The following GALNTL6 variants were observed in gnomAD, a reference collection of about 807,000 sequenced individuals.
GALNTL6 encodes polypeptide N-acetylgalactosaminyltransferase like 6.
In GALNTL6, 46 loss-of-function variants were observed where a neutral mutation model predicts 73.7. The ratio of observed to expected loss-of-function variants is 0.62; its 90% CI spans 0.49 to 0.80. The LOEUF is 0.80. Ranked by LOEUF, GALNTL6 falls within the 30% of genes least tolerant of loss-of-function variation. The probability of loss-of-function intolerance (pLI) is 0.00; values close to 1 mark genes in which losing one functional copy is unlikely to be tolerated. For synonymous variants in GALNTL6, 259 were observed against 263.7 expected (o/e 0.98, Z 0.17); for missense variants, 604 against 755.0 (o/e 0.80, Z 2.34).
intron 7 of GALNTL6, among the ~76,000 whole-genome samples, chr4:172,845,121 G>A (rs759012194): frequency 5.3e-5 from 8 of 150,754 alleles, no homozygotes; most frequent in Non-Finnish European, 1.2e-4. Context: ...TGGAGGGTGA[G>A]GCAGGAGAAT....
At chr4:172,632,348 A>T (rs1211151369) in intron 5 of GALNTL6, among the ~76,000 whole-genome samples, 1 of 152,216 alleles carries the variant, frequency 6.6e-6, no homozygotes, top group Non-Finnish European at 1.5e-5. Context: ...GACTTTTTGA[A>T]TGGCTTTGAC....
At chr4:171,895,250 C>T (rs889839585) in intron 2 of GALNTL6, among the ~76,000 whole-genome samples, 1 of 152,092 alleles carries the variant, frequency 6.6e-6, no homozygotes. Context: ...GTTATATTTG[C>T]GTTCACTCTT....
At chr4:172,694,079 T>G (rs1260104922) in intron 5 of GALNTL6, among the ~76,000 whole-genome samples, 1 of 152,170 alleles carries the variant, frequency 6.6e-6, no homozygotes, top group African/African-American at 2.4e-5. Context: ...TATTGGTTTA[T>G]TTGAGCAGTC....
intron 10 of GALNTL6, among the ~76,000 whole-genome samples, chr4:172,965,764 G>A (rs757373495): frequency 1.5e-4 from 23 of 151,878 alleles, no homozygotes; most frequent in Non-Finnish European, 3.2e-4. Context: ...CTCCTGTATG[G>A]CATATATAAA....
At chr4:172,872,256 G>T (rs762099873) in intron 7 of GALNTL6, among the ~76,000 whole-genome samples, 7 of 152,158 alleles carry the variant, frequency 4.6e-5, no homozygotes. Flanking sequence ...TTATGTGATC[G>T]TCAGGGCGGG....
intron 2 of GALNTL6, among the ~76,000 whole-genome samples, chr4:172,008,281 TCTTG>T (rs1396803929): frequency 6.6e-6 from 1 of 152,140 alleles, no homozygotes; most frequent in Non-Finnish European, 1.5e-5. Flanking sequence ...TTAACAAGCA[TCTTG>T]CTTTTAAAGT....
At chr4:172,943,714 G>A (rs980125311) in intron 9 of GALNTL6, among the ~76,000 whole-genome samples, 46 of 152,260 alleles carry the variant, frequency 3.0e-4, no homozygotes, top group African/African-American at 1.0e-3. Context: ...TCATACATCT[G>A]ATAAGTGCTT....
At chr4:172,109,414 GA>G (rs1429979615) in intron 2 of GALNTL6, among the ~76,000 whole-genome samples, 1 of 152,206 alleles carries the variant, frequency 6.6e-6, no homozygotes, top group African/African-American at 2.4e-5. Context: ...ACAGAGAGAA[GA>G]AAATATGATG....
chr4:172,426,318 C>T (rs1209959024), intron 5 of GALNTL6, among the ~76,000 whole-genome samples: 2 of 143,066 alleles, frequency 1.4e-5, no homozygotes, highest in African/African-American at 5.1e-5. Context: ...TATGAAATAA[C>T]ATTGGTGAAT....
intron 2 of GALNTL6, among the ~76,000 whole-genome samples, chr4:172,067,426 G>T (rs182286046): frequency 6.6e-6 from 1 of 151,896 alleles, no homozygotes; most frequent in African/African-American, 2.4e-5. Context: ...CATTGCAAAC[G>T]ACTCTCGAAT....
At chr4:171,917,765 G>C (rs935593439) in intron 2 of GALNTL6, among the ~76,000 whole-genome samples, 4 of 151,964 alleles carry the variant, frequency 2.6e-5, no homozygotes, top group Non-Finnish European at 5.9e-5. Context: ...TAATCAGAAG[G>C]CTGCTTATAC....
intron 2 of GALNTL6, among the ~76,000 whole-genome samples, chr4:171,824,083 A>ATATATATG (rs1283489023): frequency 5.0e-5 from 1 of 19,990 alleles, no homozygotes; most frequent in African/African-American, 6.6e-5. Context: ...CATTTTATAT[A>ATATATATG]TATATATATA....
At chr4:172,766,557 C>T (rs1579453818) in intron 5 of GALNTL6, among the ~76,000 whole-genome samples, 1 of 152,034 alleles carries the variant, frequency 6.6e-6, no homozygotes, top group East Asian at 1.9e-4. Flanking sequence ...GGCAACATGC[C>T]TTAAAGATCC....
At chr4:172,386,876 A>T (rs762857549) in intron 5 of GALNTL6, among the ~76,000 whole-genome samples, 2 of 152,182 alleles carry the variant, frequency 1.3e-5, no homozygotes, top group Non-Finnish European at 2.9e-5. Flanking sequence ...CTCAAAGGCC[A>T]ATCTACTCCA....
At chr4:172,292,026 ACACT>A (rs1561009469) in intron 3 of GALNTL6, among the ~76,000 whole-genome samples, 1 of 152,122 alleles carries the variant, frequency 6.6e-6, no homozygotes, top group Non-Finnish European at 1.5e-5. Context: ...TTCAAGTTCA[ACACT>A]CACTCATACA....
chr4:172,059,647 T>C (rs1731134505), intron 2 of GALNTL6, among the ~76,000 whole-genome samples: 3 of 152,164 alleles, frequency 2.0e-5, no homozygotes, highest in East Asian at 1.9e-4. Flanking sequence ...AAAAAAGTCA[T>C]GATTCTCAGA....
At chr4:172,941,685 AG>A in intron 9 of GALNTL6, among the ~76,000 whole-genome samples, 1 of 152,360 alleles carries the variant, frequency 6.6e-6, no homozygotes, top group South Asian at 2.1e-4. Flanking sequence ...CCGACAAAGA[AG>A]GTCCCTGCTG....
chr4:172,401,024 C>G (rs966748020), intron 5 of GALNTL6, among the ~76,000 whole-genome samples: 1 of 152,114 alleles, frequency 6.6e-6, no homozygotes, highest in Admixed American at 6.6e-5. Context: ...AGAAAAAAAG[C>G]AAATCCAATT....
chr4:172,840,661 A>G (rs757820115), intron 7 of GALNTL6, among the ~76,000 whole-genome samples: 1 of 152,244 alleles, frequency 6.6e-6, no homozygotes, highest in African/African-American at 2.4e-5. Context: ...CAGTAGCACC[A>G]TGTATACAGA....
Sources: allele counts gnomAD v4.1 joint callset (sites outside exome capture counted in the v4.1 genomes callset), GRCh38; gene constraint gnomAD v4.1.1; transcripts MANE v1.5; gene names NCBI Gene and HGNC (gene_info 2026-07-23, HGNC 2026-07-21).